Variants in PKD1L1 observed in about 807,000 individuals in gnomAD.
PKD1L1 encodes the protein polycystin 1 like 1, transient receptor potential channel interacting, also known as polycystin-1-like protein 1.
A neutral mutation model predicts 323.4 loss-of-function variants in PKD1L1; 236 were observed. That is an observed-to-expected ratio of 0.73 (90% confidence interval 0.66 to 0.81). The LOEUF is 0.81. PKD1L1 is among the 40% of genes least tolerant of loss of function. The pLI is 0.00. For synonymous variants in PKD1L1, 1,344 were observed against 1,335.0 expected, an observed-to-expected ratio of 1.01 and a Z score of -0.15; for missense variants, 3,320 against 3,508.0, an observed-to-expected ratio of 0.95 and a Z score of 1.35.
In PKD1L1 at chr7:47,931,240, C is replaced by T; in HGVS notation, c.601G>A (p.Ala201Thr). 2.5e-6 allele frequency: 4 copies of T among 1,614,254 alleles called. No homozygotes were observed. Among genetic ancestry groups the T allele is most frequent in the Non-Finnish European group, 2.5e-6 (3 of 1,180,038 alleles). The change falls in exon 6 of 57, where the codon GCG becomes ACG. Residue 201 changes from alanine to threonine, a missense_variant. Ala to Thr is a moderately conservative substitution (Grantham distance 58). Coordinates refer to ENST00000289672, the MANE Select transcript of PKD1L1 (RefSeq NM_138295.5). ...SCCVLRLLCCAEDVATGLLPG... is the reference protein window; with the variant it reads ...SCCVLRLLCCTEDVATGLLPG... ...AGCAGCCCCGTGGCCACATCCTCCG[C>T]ACAGCACAGCAGTCTCAGGACACAG...
upstream of PKD1L1, among the ~76,000 whole-genome samples, chr7:47,953,137 TTC>T (rs1303341400): frequency 2.0e-5 from 3 of 152,202 alleles, no homozygotes; most frequent in South Asian, 2.1e-4. Flanking sequence ...ACTTTGATTT[TTC>T]TGTCTCAAAA....
At chr7:47,849,596 CTAAG>C (rs1785736761) in intron 31 of PKD1L1, among the ~76,000 whole-genome samples, 1 of 152,108 alleles carries the variant, frequency 6.6e-6, no homozygotes. Flanking sequence ...CTCAACACCA[CTAAG>C]TAATAGGGAA....
At chr7:47,854,086 CA>C (rs1785844855) in intron 30 of PKD1L1, among the ~76,000 whole-genome samples, 1 of 152,224 alleles carries the variant, frequency 6.6e-6, no homozygotes, top group African/African-American at 2.4e-5. Context: ...TCTAAGCAGA[CA>C]GCCACTTTTA....
chr7:47,850,182 G>A (rs1785749350), intron 31 of PKD1L1, among the ~76,000 whole-genome samples: 1 of 151,974 alleles, frequency 6.6e-6, no homozygotes, highest in South Asian at 2.1e-4. Context: ...ATAAAATAAA[G>A]GAAACAAATG....
At chr7:47,785,567 A>C (rs2128722127) in intron 56 of PKD1L1, among the ~76,000 whole-genome samples, 1 of 152,162 alleles carries the variant, frequency 6.6e-6, no homozygotes, top group South Asian at 2.1e-4. Flanking sequence ...AGTAGGATGT[A>C]AAGACACCAA....
intron 8 of PKD1L1, among the ~76,000 whole-genome samples, chr7:47,909,449 G>A (rs1787273600): frequency 1.3e-5 from 2 of 152,208 alleles, no homozygotes; most frequent in South Asian, 4.2e-4. Context: ...ATCCTTCTTT[G>A]TGCCTCCATC....
chr7:47,831,273 G>A lies in PKD1L1; in HGVS notation c.6417C>T (p.Ala2139=). The A allele has an allele frequency of 6.2e-7, 1 of 1,614,130 alleles. No homozygotes were observed. Among genetic ancestry groups the A allele is most frequent in the South Asian group, 1.1e-5 (1 of 91,066 alleles). Residue 2139 remains alanine (A), a synonymous_variant, in exon 42 of 57, where the codon GCC becomes GCT. Coordinates refer to ENST00000289672, the MANE Select transcript of PKD1L1 (RefSeq NM_138295.5). The part of the protein sequence containing the change: ...LQPWWSSAVW[A]ICGTASLACS... ...AGGCCAAAGAAGCGGTCCCACAAATGGCCCACACTGCAGAGCTCCACCAAG... is the reference window on the plus strand; with the variant it reads ...AGGCCAAAGAAGCGGTCCCACAAATAGCCCACACTGCAGAGCTCCACCAAG...
chr7:47,854,607 G>A (rs1785855664), intron 30 of PKD1L1, among the ~76,000 whole-genome samples: 1 of 152,092 alleles, frequency 6.6e-6, no homozygotes, highest in Non-Finnish European at 1.5e-5. Context: ...GACCTATACT[G>A]AAAGAATTAG....
At chr7:47,894,653 C>A (rs1786897357) in intron 14 of PKD1L1, among the ~76,000 whole-genome samples, 1 of 152,066 alleles carries the variant, frequency 6.6e-6, no homozygotes, top group Admixed American at 6.5e-5. Context: ...GAGTTTGAGA[C>A]CAGCCTGGGC....
At chr7:47,855,878 A>AC in intron 28 of PKD1L1, among the ~76,000 whole-genome samples, 3 of 58,182 alleles carry the variant, frequency 5.2e-5, no homozygotes, top group African/African-American at 2.4e-4. Context: ...TCCGTCTCAA[A>AC]AAAAAAAAAA....
At chr7:47,829,001 T>C (rs1371742350) in intron 44 of PKD1L1, among the ~76,000 whole-genome samples, 3 of 151,900 alleles carry the variant, frequency 2.0e-5, no homozygotes, top group African/African-American at 7.3e-5. Context: ...ATGCTACACA[T>C]ACAACAGGCA....
At chr7:47,858,587 G>T in intron 27 of PKD1L1, 86 bp downstream of exon 27, 1 of 1,251,594 alleles carries the variant, frequency 8.0e-7, no homozygotes, top group Non-Finnish European at 1.2e-6. Context: ...TTCTGTTTTT[G>T]GTTTTGAGAA....
chr7:47,779,130 AT>A (rs554932628), intron 56 of PKD1L1, among the ~76,000 whole-genome samples: 24 of 151,868 alleles, frequency 1.6e-4, no homozygotes, highest in African/African-American at 5.5e-4. Context: ...ATTTCCACTT[AT>A]TTTTTAGGCT....
intron 24 of PKD1L1, among the ~76,000 whole-genome samples, chr7:47,873,516 G>A (rs144567528): frequency 0.32 from 48,895 of 150,948 alleles, 8,425 homozygotes; most frequent in African/African-American, 0.43. Flanking sequence ...GCTTGGTGGC[G>A]CACACCTGTA....
At chr7:47,893,841 G>A (rs756309659) in intron 15 of PKD1L1, 37 bp downstream of exon 15, 1 of 1,597,296 alleles carries the variant, frequency 6.3e-7, no homozygotes, top group South Asian at 1.1e-5. Flanking sequence ...TGCGCGGTCT[G>A]AGTAGCTGCG....
chr7:47,907,949 A>G, intron 9 of PKD1L1, 128 bp downstream of exon 9: 2 of 883,384 alleles, frequency 2.3e-6, no homozygotes, highest in East Asian at 2.7e-5. Flanking sequence ...TGAATTAGGG[A>G]AGAATGAATG....
chr7:47,778,306 T>C (rs977093429), intron 56 of PKD1L1, among the ~76,000 whole-genome samples: 7 of 152,052 alleles, frequency 4.6e-5, no homozygotes, highest in African/African-American at 2.4e-5. Flanking sequence ...TGTGGAGAAG[T>C]GGTTAAATGA....
chr7:47,892,969 G>A (rs1786854515), intron 15 of PKD1L1, among the ~76,000 whole-genome samples: 1 of 152,158 alleles, frequency 6.6e-6, no homozygotes, highest in African/African-American at 2.4e-5. Flanking sequence ...GATGGCTCAC[G>A]CCTGAAATCC....
intron 56 of PKD1L1, among the ~76,000 whole-genome samples, chr7:47,777,700 C>T (rs1298330668): frequency 6.6e-6 from 1 of 152,132 alleles, no homozygotes; most frequent in East Asian, 1.9e-4. Flanking sequence ...CAAAGAGCCC[C>T]CAGATTCCTC....
Sources: gnomAD v4.1 joint callset for allele counts (sites outside exome capture counted in the v4.1 genomes callset) on GRCh38, gnomAD v4.1.1 for gene constraint, MANE v1.5 for transcripts, NCBI Gene and HGNC (gene_info 2026-07-23, HGNC 2026-07-21) for gene names.